MTARC2: variants seen among roughly 807,000 people sequenced by gnomAD.
MTARC2 encodes the protein MOCO sulphurase C-terminal domain containing 2.
In MTARC2, 27 loss-of-function variants were observed where a neutral mutation model predicts 35.6. The observed-to-expected ratio is 0.76, with a 90% CI of 0.56 to 1.04. MTARC2 has a LOEUF of 1.04. MTARC2 is among the 50% of genes least tolerant of loss of function. The pLI is 0.00. For missense variants in MTARC2, 412 were observed against 432.5 expected (o/e 0.95, Z 0.42); for synonymous variants, 158 against 167.1 (o/e 0.95, Z 0.42).
chr1:220,767,368 T>TCAGGC (rs1430214642), intron 4 of MTARC2, among the ~76,000 whole-genome samples: 2 of 152,226 alleles, frequency 1.3e-5, no homozygotes, highest in Non-Finnish European at 1.5e-5. Context: ...AGCATGAAAT[T>TCAGGC]CAGGCCATCA....
At chr1:220,782,881 G>A (rs1268280769) in intron 7 of MTARC2, among the ~76,000 whole-genome samples, 1 of 152,144 alleles carries the variant, frequency 6.6e-6, no homozygotes, top group African/African-American at 2.4e-5. Flanking sequence ...ACCAAAACAA[G>A]CAATAAAAGT....
Position 220,782,726 on chromosome 1 carries a change from G to A in MTARC2, c.*31+794G>A, listed in dbSNP as rs773265899. Among the ~76,000 whole-genome samples, 28 of 152,152 alleles carry A rather than the reference G, an allele frequency of 1.8e-4. 2 individuals are homozygous for A. The highest frequency in any genetic ancestry group is 8.8e-5 in the Non-Finnish European group (6 of 68,024). ...CACAACCTGACCCTCCTTAAGGACA[G>A]TGTAACACAGTGGCTTAGAAGGTGT... On this transcript the variant is annotated intron_variant, in intron 7 of 7. Transcript: ENST00000366913.
chr1:220,755,269 G>A (rs1300994300), intron 2 of MTARC2, 149 bp downstream of exon 2: 3 of 795,024 alleles, frequency 3.8e-6, no homozygotes, highest in Admixed American at 3.3e-5. Flanking sequence ...AGTTGGGATT[G>A]GGCATGAGTG....
In MTARC2 at chr1:220,784,152, C is replaced by T. The variant is rs1438463323; in HGVS notation, c.*265C>T. 2 of 482,508 alleles carry T rather than the reference C, an allele frequency of 4.1e-6. No homozygotes were observed. The highest frequency in any genetic ancestry group is 7.5e-6 in the Non-Finnish European group (2 of 267,988). The allele number at this position is 482,508 out of a possible 1,614,324, so 29.9% of individuals were successfully genotyped here. A position where few individuals can be genotyped will look rare whatever the true frequency, so the allele number is the denominator to read the frequency against. On this transcript the variant is annotated 3_prime_UTR_variant, in exon 8 of 8. Coordinates refer to ENST00000366913, the MANE Select transcript of MTARC2 (RefSeq NM_017898.5). ...AGGCTTTAAAAATAATTAAGATCAT[C>T]AAAAATGCTATTTTGAATGTTATCA...
At chr1:220,775,000 G>A (rs144400013) in intron 4 of MTARC2, among the ~76,000 whole-genome samples, 504 of 152,204 alleles carry the variant, frequency 3.3e-3, no homozygotes, top group South Asian at 0.023. Context: ...TCTACGGAGA[G>A]AGAGACAGGA....
intron 1 of MTARC2, 33 bp downstream of exon 1, chr1:220,748,836 A>G: frequency 6.5e-7 from 1 of 1,535,166 alleles, no homozygotes; most frequent in Non-Finnish European, 8.7e-7. Context: ...GGCAGCGCGG[A>G]GCCTGCCTGG....
At chr1:220,751,778 G>A (rs1044121343) in intron 1 of MTARC2, among the ~76,000 whole-genome samples, 9 of 152,150 alleles carry the variant, frequency 5.9e-5, no homozygotes, top group Admixed American at 2.6e-4. Context: ...TTTTACCTGT[G>A]AATTCAAGGT....
Position 220,783,860 on chromosome 1 carries a change from T to A in MTARC2, c.*32-59T>A, listed in dbSNP as rs999250488. 2.3e-4 allele frequency: 162 copies of A among 717,046 alleles called. 1 individual carries two copies. In the Middle Eastern group the frequency reaches 4.1e-3, roughly 18 times the overall value. 44.4% of individuals were successfully genotyped at this position (717,046 alleles called of 1,614,324 possible). A position where few individuals can be genotyped will look rare whatever the true frequency, so the allele number is the denominator to read the frequency against. ...AGTGACTGTTTTGTGGGAGTTTGAA[T>A]TATTTATGAACAGTAGGATAAACAA... On this transcript the variant is annotated intron_variant, in intron 7 of 7. Transcript: ENST00000366913.
chr1:220,760,661 G>T (rs1198293555), intron 2 of MTARC2, among the ~76,000 whole-genome samples: 1 of 152,072 alleles, frequency 6.6e-6, no homozygotes, highest in Non-Finnish European at 1.5e-5. Context: ...ATGATCAATT[G>T]TATATAAATC....
At chr1:220,757,503 T>G (rs186804921) in intron 2 of MTARC2, among the ~76,000 whole-genome samples, 5 of 152,318 alleles carry the variant, frequency 3.3e-5, no homozygotes, top group African/African-American at 9.6e-5. Context: ...AATACCATAG[T>G]CTGGGTGGCT....
chr1:220,766,898 T>A (rs995883057), intron 4 of MTARC2, among the ~76,000 whole-genome samples: 3 of 149,174 alleles, frequency 2.0e-5, no homozygotes, highest in South Asian at 2.1e-4. Context: ...CCTAGAACTT[T>A]GGGAGGCCAA....
chr1:220,771,057 G>C (rs1671731050), intron 4 of MTARC2, among the ~76,000 whole-genome samples: 1 of 152,136 alleles, frequency 6.6e-6, no homozygotes. Flanking sequence ...CCAGCACTTT[G>C]GGAGGCCGAG....
rs562513419 is a variant in MTARC2, at chr1:220,749,657, C to A, written c.272+854C>A. On this transcript the variant is annotated intron_variant, in intron 1 of 7. Transcript: ENST00000366913. ...TGTTGACCAGGCTGGTCTCAAACTC[C>A]TGACCTCAGGGAATCCACCAGCCTC... 4.6e-5 allele frequency among the ~76,000 whole-genome samples: 7 copies of A among 152,214 alleles called. No individual in the cohort carries two copies. The South Asian group carries it at 1.5e-3, about 32-fold the overall frequency.
intron 1 of MTARC2, chr1:220,754,333 A>C (rs1170383647): frequency 4.4e-6 from 2 of 456,272 alleles, no homozygotes; most frequent in Admixed American, 4.7e-5. Context: ...CTTATCTAAC[A>C]TGTGACTTCT....
chr1:220,755,423 C>T (rs12027302), intron 2 of MTARC2, among the ~76,000 whole-genome samples: 2,075 of 152,230 alleles, frequency 0.014, 32 homozygotes, highest in East Asian at 0.06. Context: ...CGCTACGCCA[C>T]GCAAGGCCAA....
At chr1:220,752,932 G>A (rs1671164525) in intron 1 of MTARC2, among the ~76,000 whole-genome samples, 1 of 151,534 alleles carries the variant, frequency 6.6e-6, no homozygotes, top group Admixed American at 6.6e-5. Context: ...AGGAAATGGT[G>A]GGCTGGGCAC....
At chr1:220,752,301 G>T (rs2102541255) in intron 1 of MTARC2, among the ~76,000 whole-genome samples, 1 of 152,322 alleles carries the variant, frequency 6.6e-6, no homozygotes, top group Admixed American at 6.5e-5. Context: ...GTTGTGTGCA[G>T]ATCTCAAAGG....
intron 4 of MTARC2, among the ~76,000 whole-genome samples, chr1:220,775,989 C>T (rs1239916432): frequency 6.6e-6 from 1 of 152,090 alleles, no homozygotes; most frequent in East Asian, 1.9e-4. Flanking sequence ...GATGAATATA[C>T]GCGTGCATGT....
rs1436183947 is a variant in MTARC2 at position 220,748,354 on chromosome 1, G to T, written c.-178G>T. 3.4e-6 allele frequency: 2 copies of T among 590,474 alleles called. No homozygotes were observed. The highest frequency in any genetic ancestry group is 2.0e-5 in the African/African-American group (1 of 51,106). The allele number at this position is 590,474 out of a possible 1,614,324, so 36.6% of individuals were successfully genotyped here. A position where few individuals can be genotyped will look rare whatever the true frequency, so the allele number is the denominator to read the frequency against. Reference sequence around the variant, plus strand: ...GCGCAGGCTTGGTCACCGCATTAAGGCATTCCCGCTCTCCGCGGAACTGCT... The same window carrying T: ...GCGCAGGCTTGGTCACCGCATTAAGTCATTCCCGCTCTCCGCGGAACTGCT... On this transcript the variant is annotated 5_prime_UTR_variant, in exon 1 of 8. Transcript: ENST00000366913.
Sources: gnomAD v4.1 joint callset for allele counts (sites outside exome capture counted in the v4.1 genomes callset) on GRCh38, gnomAD v4.1.1 for gene constraint, MANE v1.5 for transcripts, NCBI Gene and HGNC (gene_info 2026-07-23, HGNC 2026-07-21) for gene names.